The following A1BG variants were observed in gnomAD, a reference collection of about 807,000 sequenced individuals.
A1BG encodes alpha-1B-glycoprotein.
Under a neutral mutation model 46.0 loss-of-function variants are expected in A1BG, and 44 were observed. That is an observed-to-expected ratio of 0.96 (90% CI 0.75 to 1.23). The LOEUF (loss-of-function observed/expected upper bound fraction) is 1.23. Ranked by LOEUF, A1BG falls within the 50% of genes most tolerant of loss-of-function variation. A1BG has a pLI of 0.00. For missense variants in A1BG, 707 were observed against 688.8 expected, an observed-to-expected ratio of 1.03 and a Z score of -0.30; for synonymous variants, 316 against 314.7, an observed-to-expected ratio of 1.00 and a Z score of -0.04.
Position 58,345,306 on chromosome 19 carries a change from C to A in A1BG, c.*1716G>T, listed in dbSNP as rs532977317. On this transcript the variant is annotated 3_prime_UTR_variant, in exon 8 of 8. Transcript: ENST00000263100. ...AACATCATCAGACATTAAGGAAACG[C>A]AAGGAAAACCACTATTAGATATGTC... 1 of 152,208 alleles carries A rather than the reference C, an allele frequency of 6.6e-6. No homozygotes were observed. The highest frequency in any genetic ancestry group is 1.9e-4 in the East Asian group (1 of 5,192). 9.4% of individuals were successfully genotyped at this position (152,208 alleles called of 1,614,324 possible).
In A1BG at chr19:58,353,195, A is replaced by G. The variant is rs1253053425; in HGVS notation, c.73T>C (p.Tyr25His). The G allele has an allele frequency of 6.2e-7, 1 of 1,613,614 alleles. No homozygotes were observed. The highest frequency in any genetic ancestry group is 2.2e-5 in the East Asian group (1 of 44,870). Residue 25 changes from tyrosine (Y) to histidine (H), a missense_variant and splice_region_variant, in exon 3 of 8, where the codon TAT becomes CAT. Transcript: ENST00000263100. ...GCCCACAGGCTGGGCTGCGTCTCAT[A>G]AACTGCAAGGGGTGGCTGGGATCAG... ...WGPVTEAAIF[Y>H]ETQPSLWAES... is the part of the protein sequence containing the mutation.
rs1253682528 is a variant in A1BG at position 58,350,733 on chromosome 19, C to T, written c.911-82G>A. 5 of 1,294,596 alleles carry T rather than the reference C, an allele frequency of 3.9e-6. No individual in the cohort carries two copies. In the East Asian group the frequency reaches 1.3e-4, roughly 33 times the overall value. The allele number at this position is 1,294,596 out of a possible 1,614,324, so 80.2% of individuals were successfully genotyped here. On this transcript the variant is annotated intron_variant, in intron 5 of 7. Coordinates refer to ENST00000263100, the MANE Select transcript of A1BG (RefSeq NM_130786.4). Reference sequence around the variant, plus strand: ...CGTGGTCTGGCCTCGCGCTCTTTGCCTTGGCTGAGTCTTCTGCCCGCAATG... The same window carrying T: ...CGTGGTCTGGCCTCGCGCTCTTTGCTTTGGCTGAGTCTTCTGCCCGCAATG...
chr19:58,350,736 G>A, intron 5 of A1BG, 85 bp from the exon 6 acceptor site: 1 of 1,289,138 alleles, frequency 7.8e-7, no homozygotes, highest in African/African-American at 1.6e-5. Context: ...TCTTTGCCTT[G>A]GCTGAGTCTT....
In A1BG at chr19:58,346,391, A is replaced by G. The variant is rs1407858371; in HGVS notation, c.*631T>C. On this transcript the variant is annotated 3_prime_UTR_variant, in exon 8 of 8. Transcript: ENST00000263100. The stretch of plus-strand genomic sequence containing the variant: ...AGTTCAAGACCAGCCTGGGCAACAT[A>G]GTGAGACTCATCTCTACAAAAAATA... 1 of 157,962 alleles carries G rather than the reference A, an allele frequency of 6.3e-6. No individual in the cohort carries two copies. The highest frequency in any genetic ancestry group is 1.4e-5 in the Non-Finnish European group (1 of 72,036). The allele number at this position is 157,962 out of a possible 1,614,324, so 9.8% of individuals were successfully genotyped here.
chr19:58,351,497 C>T lies in A1BG; in HGVS notation c.804G>A (p.Ala268=), dbSNP rs753884034. 3.8e-5 allele frequency: 61 copies of T among 1,613,710 alleles called. No individual in the cohort carries two copies. The Middle Eastern group carries it at 8.2e-4, about 22-fold the overall frequency. Residue 268 remains alanine, a synonymous_variant, in exon 5 of 8, where the codon GCG becomes GCA. Transcript: ENST00000263100. ...AGTGACCTCCATCCCCCAGGGCCACCGCGTTCAGGTGAAAGAAGATGCGAT... is the reference window on the plus strand; with the variant it reads ...AGTGACCTCCATCCCCCAGGGCCACTGCGTTCAGGTGAAAGAAGATGCGAT... ...SPDRIFFHLN[A]VALGDGGHYT...
At chr19:58,351,898 G>T (rs1450408925) in intron 4 of A1BG, 2 of 699,958 alleles carry the variant, frequency 2.9e-6, no homozygotes, top group South Asian at 2.0e-5. Flanking sequence ...CAGGTTCAAG[G>T]GATTCTCCTG....
intron 6 of A1BG, 144 bp downstream of exon 6, chr19:58,350,226 C>T (rs2051944780): frequency 9.0e-7 from 1 of 1,113,994 alleles, no homozygotes; most frequent in Non-Finnish European, 1.2e-6. Context: ...CCACCGATCG[C>T]CTGCTCCCCG....
At chr19:58,352,595 A>G (rs2051971746) in intron 3 of A1BG, 40 bp from the exon 4 acceptor site, 2 of 1,587,816 alleles carry the variant, frequency 1.3e-6, no homozygotes, top group Non-Finnish European at 8.5e-7. Flanking sequence ...TCTGCATAAC[A>G]GGAGACGTGG....
Position 58,346,327 on chromosome 19 carries a change from C to G in A1BG, c.*695G>C, listed in dbSNP as rs921511951. 9.0e-5 allele frequency: 14 copies of G among 155,006 alleles called. No homozygotes were observed. Among genetic ancestry groups the G allele is most frequent in the Admixed American group, 2.6e-4 (4 of 15,558 alleles). The allele number at this position is 155,006 out of a possible 1,614,324, so 9.6% of individuals were successfully genotyped here. On this transcript the variant is annotated 3_prime_UTR_variant, in exon 8 of 8. Coordinates refer to ENST00000263100, the MANE Select transcript of A1BG (RefSeq NM_130786.4). ...GTGGCTCACACCTGTAATCCCAACACTTTGGGAGGCTGAGGCGGGAGGATC... is the reference window on the plus strand; with the variant it reads ...GTGGCTCACACCTGTAATCCCAACAGTTTGGGAGGCTGAGGCGGGAGGATC...
chr19:58,349,271 C>T (rs1362783210), intron 6 of A1BG: 1 of 152,130 alleles, frequency 6.6e-6, no homozygotes, highest in Non-Finnish European at 1.5e-5. Context: ...CCGCCTTGGC[C>T]TCCCAAAGTG....
chr19:58,352,844 C>G (rs1489452578), intron 3 of A1BG, 84 bp downstream of exon 3: 11 of 1,516,192 alleles, frequency 7.3e-6, no homozygotes, highest in Non-Finnish European at 9.7e-6. Context: ...GGCTCAGAGA[C>G]ATCGGGTGAC....
intron 6 of A1BG, 57 bp from the exon 7 acceptor site, chr19:58,347,697 CACACCCCAG>C (rs2051925902): frequency 7.5e-6 from 6 of 796,284 alleles, no homozygotes; most frequent in African/African-American, 1.8e-5. Context: ...CGCCCCAGGC[CACACCCCAG>C]GCCACACCCC....
Position 58,352,368 on chromosome 19 carries a change from C to T in A1BG, c.528G>A (p.Gln176=), listed in dbSNP as rs374704838. The T allele has an allele frequency of 1.9e-6, 3 of 1,613,882 alleles. No homozygotes were observed. Among genetic ancestry groups the T allele is most frequent in the African/African-American group, 1.3e-5 (1 of 74,876 alleles). The change falls in exon 4 of 8, where the codon CAG becomes CAA. Residue 176 remains glutamine, a synonymous_variant. Coordinates refer to ENST00000263100, the MANE Select transcript of A1BG (RefSeq NM_130786.4). ...EDVEATFPVH[Q]PGNYSCSYRT... ...GGTAGCTGCAGCTGTAGTTGCCAGG[C>T]TGATGGACTGGAAAGGTGGCCTCCA...
At chr19:58,352,638 A>G in intron 3 of A1BG, 83 bp from the exon 4 acceptor site, 1 of 1,501,296 alleles carries the variant, frequency 6.7e-7, no homozygotes, top group Non-Finnish European at 9.0e-7. Context: ...CCACACTCAT[A>G]AGACTGTGAA....
Position 58,353,309 on chromosome 19 carries a change from A to G in A1BG, c.53T>C (p.Val18Ala), listed in dbSNP as rs534342682. 1.2e-6 allele frequency: 2 copies of G among 1,612,794 alleles called. No homozygotes were observed. The highest frequency in any genetic ancestry group is 1.7e-5 in the Admixed American group (1 of 59,842). ...GCACTCACATATGGCTGCTTCTGTCACTGGGCCCCAGGTGACACCTGCGGA... is the reference window on the plus strand; with the variant it reads ...GCACTCACATATGGCTGCTTCTGTCGCTGGGCCCCAGGTGACACCTGCGGA... ...LLLWGVTWGP[V>A]TEAAIFYETQ... Residue 18 changes from valine to alanine, a missense_variant, in exon 2 of 8, where the codon GTG becomes GCG. Physicochemically the swap from Val to Ala is moderately conservative, Grantham distance 64. Transcript: ENST00000263100.
At chr19:58,352,006 G>A (rs890356209) in intron 4 of A1BG, 1 of 1,108,612 alleles carries the variant, frequency 9.0e-7, no homozygotes, top group Non-Finnish European at 1.2e-6. Context: ...ATGTTGGGTA[G>A]ACTGGTCTCG....
In A1BG at chr19:58,350,465, A is replaced by C; in HGVS notation, c.1097T>G (p.Val366Gly). Residue 366 changes from valine to glycine, a missense_variant, in exon 6 of 8, where the codon GTG (valine) becomes GGG (glycine). By Grantham distance (109) the Val-to-Gly change is moderately radical. Transcript: ENST00000263100. ...EALFELHNIS[V>G]ADSANYSCVY... is the part of the protein sequence containing the mutation. ...GCAGCTGTAGTTGGCGGAGTCAGCCACGGAAATGTTGTGCAGCTCGAAGAG... is the reference window on the plus strand; with the variant it reads ...GCAGCTGTAGTTGGCGGAGTCAGCCCCGGAAATGTTGTGCAGCTCGAAGAG... 1 of 1,556,590 alleles carries C rather than the reference A, an allele frequency of 6.4e-7. No individual in the cohort carries two copies.
chr19:58,352,580 G>A (rs755016928), intron 3 of A1BG, 25 bp from the exon 4 acceptor site: 10 of 1,599,054 alleles, frequency 6.3e-6, no homozygotes, highest in Middle Eastern at 1.7e-4. Flanking sequence ...GAGTTGAAGA[G>A]TGCTTCTGCA....
rs555960802 is a variant in A1BG, at chr19:58,346,669, G to A, written c.*353C>T. 1.8e-4 allele frequency: 60 copies of A among 339,056 alleles called. No individual in the cohort carries two copies. The highest frequency in any genetic ancestry group is 2.2e-4 in the Admixed American group (5 of 22,518). The allele number at this position is 339,056 out of a possible 1,614,324, so 21.0% of individuals were successfully genotyped here. On this transcript the variant is annotated 3_prime_UTR_variant, in exon 8 of 8. Coordinates refer to ENST00000263100, the MANE Select transcript of A1BG (RefSeq NM_130786.4). ...TGGGAGGTCAAAACTGCAGTGAGCC[G>A]GACTGCAACACTGCACTCCAGCCTG... is the stretch of plus-strand genomic sequence containing the variant.
Sources: allele counts gnomAD v4.1 joint callset, GRCh38; gene constraint gnomAD v4.1.1; transcripts MANE v1.5; gene names NCBI Gene and HGNC (gene_info 2026-07-23, HGNC 2026-07-21).